Variants in PTPRO observed in about 807,000 individuals in gnomAD.
The protein encoded by PTPRO is protein tyrosine phosphatase receptor type O, also known as receptor-type tyrosine-protein phosphatase O.
PTPRO carries 62 observed loss-of-function variants against 145.2 expected under a neutral mutation model. The ratio of observed to expected loss-of-function variants is 0.43; its 90% confidence interval spans 0.35 to 0.53. The LOEUF (loss-of-function observed/expected upper bound fraction) is 0.53. Ranked by LOEUF, PTPRO falls within the 20% of genes least tolerant of loss-of-function variation. The pLI is 0.01. For synonymous variants in PTPRO, 565 were observed against 514.7 expected, an observed-to-expected ratio of 1.10 and a Z score of -1.32; for missense variants, 1,345 against 1,482.7, an observed-to-expected ratio of 0.91 and a Z score of 1.53.
intron 15 of PTPRO, among the ~76,000 whole-genome samples, chr12:15,554,746 T>TCTCAA (rs1943573492): frequency 8.6e-5 from 13 of 151,912 alleles, no homozygotes; most frequent in Admixed American, 7.2e-4. Flanking sequence ...CACTGACTCA[T>TCTCAA]ATGTTAATCT....
intron 1 of PTPRO, among the ~76,000 whole-genome samples, chr12:15,346,178 C>G (rs967876984): frequency 6.6e-6 from 1 of 152,154 alleles, no homozygotes; most frequent in African/African-American, 2.4e-5. Context: ...TATCTTCACC[C>G]TCATGTTTTG....
At chr12:15,426,169 TG>T (rs1236346080) in intron 1 of PTPRO, among the ~76,000 whole-genome samples, 2 of 151,758 alleles carry the variant, frequency 1.3e-5, no homozygotes, top group African/African-American at 4.8e-5. Context: ...ATTTTATCAT[TG>T]TTTTCCACTT....
chr12:15,377,827 C>A (rs1280758064), intron 1 of PTPRO, among the ~76,000 whole-genome samples: 1 of 151,736 alleles, frequency 6.6e-6, no homozygotes, highest in Admixed American at 6.6e-5. Flanking sequence ...AATCGGAAAC[C>A]AATAACAGAG....
chr12:15,449,559 C>T (rs535582065), intron 1 of PTPRO, among the ~76,000 whole-genome samples: 23 of 152,070 alleles, frequency 1.5e-4, no homozygotes, highest in Non-Finnish European at 3.2e-4. Context: ...CATTGTATTG[C>T]AATACTGAAA....
At chr12:15,508,895 T>C in intron 7 of PTPRO, 128 bp downstream of exon 7, 2 of 940,712 alleles carry the variant, frequency 2.1e-6, no homozygotes, top group Non-Finnish European at 3.3e-6. Flanking sequence ...CTGTGACTGT[T>C]CCCAAGAGCC....
At chr12:15,481,447 C>A (rs1941777040) in intron 1 of PTPRO, among the ~76,000 whole-genome samples, 1 of 152,120 alleles carries the variant, frequency 6.6e-6, no homozygotes, top group Admixed American at 6.5e-5. Context: ...TTAATTGACT[C>A]CTTCACAAGA....
At chr12:15,500,570 T>C (rs749258835) in intron 4 of PTPRO, among the ~76,000 whole-genome samples, 4 of 152,154 alleles carry the variant, frequency 2.6e-5, no homozygotes, top group Middle Eastern at 3.2e-3. Flanking sequence ...AGATAAATAT[T>C]ATAACAGAGG....
intron 19 of PTPRO, among the ~76,000 whole-genome samples, chr12:15,577,107 T>C (rs145587865): frequency 3.1e-4 from 47 of 152,326 alleles, no homozygotes; most frequent in African/African-American, 1.0e-3. Context: ...TGCCTAAATA[T>C]ATTTGGCAAG....
chr12:15,528,397 T>A (rs1029533958), intron 12 of PTPRO, among the ~76,000 whole-genome samples: 1 of 146,542 alleles, frequency 6.8e-6, no homozygotes, highest in African/African-American at 2.5e-5. Flanking sequence ...TGGTGGCGGG[T>A]GCCTGTAGTC....
chr12:15,569,297 C>T, intron 18 of PTPRO, 120 bp from the exon 19 acceptor site: 1 of 941,756 alleles, frequency 1.1e-6, no homozygotes, highest in Non-Finnish European at 1.6e-6. Flanking sequence ...GAGTGCTAAC[C>T]TTAGAGAAGT....
chr12:15,505,784 G>A (rs2136477762), intron 6 of PTPRO, among the ~76,000 whole-genome samples: 1 of 152,300 alleles, frequency 6.6e-6, no homozygotes, highest in South Asian at 2.1e-4. Flanking sequence ...TGTTTTTCCT[G>A]ACCAAACTGT....
At chr12:15,388,846 A>G (rs1346129101) in intron 1 of PTPRO, among the ~76,000 whole-genome samples, 2 of 152,074 alleles carry the variant, frequency 1.3e-5, no homozygotes, top group Non-Finnish European at 2.9e-5. Flanking sequence ...GAAGAGTTTC[A>G]TGTTTAATAA....
At position 15,497,334 on chromosome 12, in the gene PTPRO, T is replaced by C; in HGVS notation, c.439T>C (p.Tyr147His). The C allele has an allele frequency of 3.7e-6, 6 of 1,610,310 alleles. No individual in the cohort carries two copies. Among genetic ancestry groups the C allele is most frequent in the Non-Finnish European group, 5.1e-6 (6 of 1,176,860 alleles). ...GTTTGAAATACATTATCCAGAAAAA[T>C]ATAACGTTTTCACAAGAGTGAACAT... ...VLFEIHYPEK[Y>H]NVFTRVNISY... The change falls in exon 3 of 27, where the codon TAT becomes CAT. Residue 147 changes from tyrosine to histidine, a missense_variant. Physicochemically the swap from Tyr to His is moderately conservative, Grantham distance 83. This residue lies in a region of PTPRO where 1,130 missense variants were observed against 1,214.7 expected (regional missense o/e 0.93). Transcript: ENST00000281171.
chr12:15,322,653 A>G lies in PTPRO; in HGVS notation c.-74A>G. The G allele has an allele frequency of 7.8e-7, 1 of 1,282,246 alleles. No homozygotes were observed. The highest frequency in any genetic ancestry group is 1.1e-6 in the Non-Finnish European group (1 of 900,894). 79.4% of individuals were successfully genotyped at this position (1,282,246 alleles called of 1,614,324 possible). On this transcript the variant is annotated 5_prime_UTR_variant, in exon 1 of 27. Transcript: ENST00000281171. This position sits in a 1 kb window ranked among gnomAD's most constrained non-coding sequence, Gnocchi z 6.3. Reference sequence around the variant, plus strand: ...GCCCAGGGTCTGAGGCTGCAGCCCCAGTTCGCCATTGTGAGCCGCCGCCGG... The same window carrying G: ...GCCCAGGGTCTGAGGCTGCAGCCCCGGTTCGCCATTGTGAGCCGCCGCCGG...
chr12:15,433,419 A>G (rs1482832114), intron 1 of PTPRO, among the ~76,000 whole-genome samples: 3 of 152,120 alleles, frequency 2.0e-5, no homozygotes, highest in African/African-American at 7.2e-5. Context: ...TCCTGACCTC[A>G]TGATCCGCCC....
chr12:15,585,056 T>C (rs1944402038), intron 23 of PTPRO, among the ~76,000 whole-genome samples: 1 of 152,206 alleles, frequency 6.6e-6, no homozygotes, highest in African/African-American at 2.4e-5. Context: ...TGACCCCAGT[T>C]CCAGGACCCC....
At chr12:15,563,377 G>C (rs566674664) in intron 17 of PTPRO, among the ~76,000 whole-genome samples, 3 of 152,036 alleles carry the variant, frequency 2.0e-5, no homozygotes, top group Admixed American at 1.3e-4. Flanking sequence ...CTTAATTTGC[G>C]TGAATTTTCC....
chr12:15,573,891 G>A (rs1227597765), intron 19 of PTPRO, among the ~76,000 whole-genome samples: 1 of 152,084 alleles, frequency 6.6e-6, no homozygotes, highest in African/African-American at 2.4e-5. Context: ...GAAATACATT[G>A]ATAGTTAATT....
intron 5 of PTPRO, among the ~76,000 whole-genome samples, chr12:15,502,981 T>C (rs1214356742): frequency 4.6e-5 from 7 of 152,188 alleles, no homozygotes; most frequent in Non-Finnish European, 8.8e-5. Context: ...CTTAATAGCA[T>C]GAGATACAAA....
Sources: gnomAD v4.1 joint callset for allele counts (sites outside exome capture counted in the v4.1 genomes callset) on GRCh38, gnomAD v4.1.1 for gene constraint, gnomAD v4.1.1 regional missense constraint, Gnocchi (gnomAD v3.1) non-coding constraint, MANE v1.5 for transcripts, NCBI Gene and HGNC (gene_info 2026-07-23, HGNC 2026-07-21) for gene names.